CLASP2: variants seen among roughly 807,000 people sequenced by gnomAD.
The protein encoded by CLASP2 is CLIP-associating protein 2.
In CLASP2, 47 loss-of-function variants were observed where a neutral mutation model predicts 194.4. That is an observed-to-expected ratio of 0.24 (90% CI 0.19 to 0.31). The LOEUF (loss-of-function observed/expected upper bound fraction) is 0.31. Among genes scored for constraint, CLASP2 ranks in the 10% least tolerant of loss-of-function variants. CLASP2 has a pLI of 1.00. For synonymous variants in CLASP2, 619 were observed against 633.5 expected, an observed-to-expected ratio of 0.98 and a Z score of 0.34; for missense variants, 1,445 against 1,823.6, an observed-to-expected ratio of 0.79 and a Z score of 3.78.
At chr3:33,539,177 G>A (rs2057901099) in intron 32 of CLASP2, among the ~76,000 whole-genome samples, 1 of 152,080 alleles carries the variant, frequency 6.6e-6, no homozygotes, top group Non-Finnish European at 1.5e-5. Flanking sequence ...TAACTAGTTT[G>A]TCTTTCCACC....
chr3:33,711,267 A>G (rs1412999267), intron 1 of CLASP2, among the ~76,000 whole-genome samples: 3 of 143,178 alleles, frequency 2.1e-5, no homozygotes, highest in Non-Finnish European at 3.0e-5. Flanking sequence ...TTTTTTTGAG[A>G]CGAAATCTCA....
chr3:33,604,749 T>G (rs930906618), intron 16 of CLASP2, among the ~76,000 whole-genome samples: 2 of 152,136 alleles, frequency 1.3e-5, no homozygotes, highest in Admixed American at 1.3e-4. Context: ...AAGACTAAGC[T>G]CTACAGAGAC....
At chr3:33,692,780 T>C (rs945606834) in intron 2 of CLASP2, among the ~76,000 whole-genome samples, 1 of 152,224 alleles carries the variant, frequency 6.6e-6, no homozygotes, top group African/African-American at 2.4e-5. Flanking sequence ...AATTTTTCAC[T>C]CAATAGGCTC....
chr3:33,687,254 C>T (rs908852405), intron 4 of CLASP2, 119 bp from the exon 5 acceptor site: 3 of 594,566 alleles, frequency 5.0e-6, no homozygotes, highest in East Asian at 3.0e-5. Context: ...GATGGGCACA[C>T]ATCATTAAAA....
In CLASP2 at chr3:33,552,116, A is replaced by ATT. The variant is rs760891395; in HGVS notation, c.3010-723_3010-722dup. Among the ~76,000 whole-genome samples the ATT allele has an allele frequency of 1.0e-3, 140 of 135,270 alleles. 1 individual carries two copies. The highest frequency in any genetic ancestry group is 3.5e-3 in the African/African-American group (126 of 36,508). 88.7% of individuals were successfully genotyped at this position (135,270 alleles called of 152,430 possible). ...TAAAAATGTTATGTGTGGGTTTATA[A>ATT]TTTTTTTTTTTTTTTTTTTTGAGAC... On this transcript the variant is annotated intron_variant, in intron 29 of 38. Coordinates refer to ENST00000682230, the MANE Select transcript of CLASP2 (RefSeq NM_001365631.1).
intron 30 of CLASP2, among the ~76,000 whole-genome samples, chr3:33,548,066 G>T (rs887240907): frequency 6.6e-6 from 1 of 151,600 alleles, no homozygotes; most frequent in East Asian, 2.0e-4. Flanking sequence ...GTGAGCCACC[G>T]TGCCTGGCTT....
chr3:33,515,951 C>A, intron 36 of CLASP2, 72 bp downstream of exon 36: 1 of 1,435,456 alleles, frequency 7.0e-7, no homozygotes, highest in Non-Finnish European at 9.4e-7. Flanking sequence ...AATAAGGCTA[C>A]ATTTTACACA....
chr3:33,690,742 T>C (rs1575612725), intron 2 of CLASP2, among the ~76,000 whole-genome samples: 2 of 152,184 alleles, frequency 1.3e-5, no homozygotes, highest in Non-Finnish European at 2.9e-5. Context: ...ACTGTCCCGC[T>C]CCATTCGGTA....
At chr3:33,657,623 G>T (rs1486460078) in intron 7 of CLASP2, among the ~76,000 whole-genome samples, 1 of 151,288 alleles carries the variant, frequency 6.6e-6, no homozygotes, top group African/African-American at 2.4e-5. Flanking sequence ...ACTTGGCAAT[G>T]CCCTTAAGTA....
intron 23 of CLASP2, among the ~76,000 whole-genome samples, chr3:33,579,300 GAAT>G (rs895048075): frequency 6.6e-6 from 1 of 152,082 alleles, no homozygotes; most frequent in African/African-American, 2.4e-5. Context: ...AGATGAACTA[GAAT>G]ATTAATGACT....
rs774199152 is a variant in CLASP2, at chr3:33,538,960, C to G, written c.3405-18G>C. ...CAAATGCACTATGAAAAAGACGACA[C>G]TAATTTTTACTTAGGTGTAGTTTTA... On this transcript the variant is annotated intron_variant, in intron 32 of 38. Coordinates refer to ENST00000682230, the MANE Select transcript of CLASP2 (RefSeq NM_001365631.1). 1 of 1,530,842 alleles carries G rather than the reference C, an allele frequency of 6.5e-7. No individual in the cohort carries two copies. Among genetic ancestry groups the G allele is most frequent in the East Asian group, 2.3e-5 (1 of 43,372 alleles). 94.8% of individuals were successfully genotyped at this position (1,530,842 alleles called of 1,614,324 possible).
intron 9 of CLASP2, among the ~76,000 whole-genome samples, chr3:33,627,673 G>C (rs548972731): frequency 6.6e-6 from 1 of 152,124 alleles, no homozygotes; most frequent in South Asian, 2.1e-4. Context: ...TTGCCTTATG[G>C]AGAGTACAAT....
At chr3:33,518,866 A>G (rs531924195) in intron 34 of CLASP2, among the ~76,000 whole-genome samples, 1 of 152,352 alleles carries the variant, frequency 6.6e-6, no homozygotes, top group Admixed American at 6.5e-5. Context: ...TGAATTATCT[A>G]TATGAATGAG....
intron 6 of CLASP2, among the ~76,000 whole-genome samples, chr3:33,669,530 T>C (rs1298314551): frequency 6.6e-6 from 1 of 151,522 alleles, no homozygotes; most frequent in Non-Finnish European, 1.5e-5. Context: ...ATGGCTTGTA[T>C]ACAGAACATA....
At chr3:33,681,124 CAAAA>C (rs10710771) in intron 6 of CLASP2, among the ~76,000 whole-genome samples, 4 of 96,090 alleles carry the variant, frequency 4.2e-5, no homozygotes, top group Admixed American at 2.0e-4. Context: ...GACTCCATCT[CAAAA>C]AAAAAAAAAA....
chr3:33,556,098 G>T (rs956519978), intron 29 of CLASP2, among the ~76,000 whole-genome samples: 3 of 152,170 alleles, frequency 2.0e-5, no homozygotes, highest in Admixed American at 1.3e-4. Flanking sequence ...GGTCAGCAAA[G>T]ATTATATTTA....
intron 18 of CLASP2, among the ~76,000 whole-genome samples, chr3:33,599,726 T>G (rs951887427): frequency 4.6e-5 from 7 of 152,054 alleles, no homozygotes; most frequent in Admixed American, 1.3e-4. Context: ...GTTATATCAG[T>G]CTTACGTGTG....
chr3:33,700,210 T>C (rs964953001), intron 1 of CLASP2, among the ~76,000 whole-genome samples: 3 of 152,046 alleles, frequency 2.0e-5, no homozygotes, highest in African/African-American at 7.2e-5. Context: ...GAAGATCACC[T>C]GAGGTCAGGA....
At chr3:33,673,919 A>G (rs2087935823) in intron 6 of CLASP2, among the ~76,000 whole-genome samples, 1 of 152,188 alleles carries the variant, frequency 6.6e-6, no homozygotes, top group Non-Finnish European at 1.5e-5. Context: ...TGCACCCAAT[A>G]CAGGAGCACC....
Sources: allele counts gnomAD v4.1 joint callset (sites outside exome capture counted in the v4.1 genomes callset), GRCh38; gene constraint gnomAD v4.1.1; transcripts MANE v1.5; gene names NCBI Gene and HGNC (gene_info 2026-07-23, HGNC 2026-07-21).